Variants in INPP5A observed in about 807,000 individuals in gnomAD.
INPP5A encodes inositol polyphosphate-5-phosphatase A.
In INPP5A, 14 loss-of-function variants were observed where a neutral mutation model predicts 65.2. The observed-to-expected ratio is 0.21, with a 90% CI of 0.14 to 0.34. The LOEUF is 0.34. INPP5A is among the 10% of genes least tolerant of loss of function. The pLI, the probability that INPP5A is intolerant of heterozygous loss-of-function variation, is 1.00. For missense variants in INPP5A, 431 were observed against 545.6 expected (o/e 0.79, Z 2.09); for synonymous variants, 207 against 208.3 (o/e 0.99, Z 0.05).
intron 11 of INPP5A, among the ~76,000 whole-genome samples, chr10:132,758,048 C>T (rs1406055094): frequency 2.1e-5 from 3 of 143,352 alleles, no homozygotes; most frequent in Non-Finnish European, 4.6e-5. Flanking sequence ...CCTGGCTGAC[C>T]CCACAGGCCA....
intron 4 of INPP5A, among the ~76,000 whole-genome samples, chr10:132,656,401 G>A (rs1277183737): frequency 6.6e-6 from 1 of 152,246 alleles, no homozygotes; most frequent in Non-Finnish European, 1.5e-5. Flanking sequence ...GGGCTGAGAA[G>A]GTGTGGCCTG....
At chr10:132,561,086 C>T (rs2071198900) in intron 1 of INPP5A, among the ~76,000 whole-genome samples, 2 of 148,484 alleles carry the variant, frequency 1.3e-5, no homozygotes, top group African/African-American at 5.0e-5. Flanking sequence ...CAGGGTCTTC[C>T]CCTGTTGCCC....
At chr10:132,680,966 C>T (rs2073035274) in intron 4 of INPP5A, among the ~76,000 whole-genome samples, 1 of 152,238 alleles carries the variant, frequency 6.6e-6, no homozygotes, top group Non-Finnish European at 1.5e-5. Context: ...CGGCCGGAGC[C>T]TCCCCGACGA....
At chr10:132,761,449 CAGG>C (rs1364014204) in intron 11 of INPP5A, among the ~76,000 whole-genome samples, 1 of 152,044 alleles carries the variant, frequency 6.6e-6, no homozygotes, top group African/African-American at 2.4e-5. Context: ...CTGGGGGTGG[CAGG>C]GGACAGCATG....
chr10:132,570,772 C>T (rs1366858214), intron 1 of INPP5A, among the ~76,000 whole-genome samples: 2 of 152,140 alleles, frequency 1.3e-5, no homozygotes, highest in African/African-American at 4.8e-5. Flanking sequence ...GGTGACACTT[C>T]TGGGTGACTG....
intron 4 of INPP5A, among the ~76,000 whole-genome samples, chr10:132,655,562 G>A (rs911427149): frequency 1.3e-5 from 2 of 152,206 alleles, no homozygotes; most frequent in East Asian, 1.9e-4. Flanking sequence ...GCAGGGTAAC[G>A]GCTTTCCTGA....
intron 4 of INPP5A, among the ~76,000 whole-genome samples, chr10:132,677,965 C>T (rs2072989535): frequency 6.6e-6 from 1 of 152,236 alleles, no homozygotes; most frequent in African/African-American, 2.4e-5. Context: ...TTTAATTAAC[C>T]TCTAGCGTCA....
At chr10:132,560,213 C>T (rs1387343451) in intron 1 of INPP5A, among the ~76,000 whole-genome samples, 1 of 151,636 alleles carries the variant, frequency 6.6e-6, no homozygotes, top group Admixed American at 6.6e-5. Flanking sequence ...CCTGTGTCTG[C>T]AGCTGTCTCG....
chr10:132,618,906 G>GC (rs2072077253), intron 2 of INPP5A, among the ~76,000 whole-genome samples: 1 of 152,182 alleles, frequency 6.6e-6, no homozygotes, highest in East Asian at 1.9e-4. Flanking sequence ...GGAGGCATCT[G>GC]CCCCCATGAT....
intron 11 of INPP5A, among the ~76,000 whole-genome samples, chr10:132,755,836 G>A (rs1163528819): frequency 6.6e-6 from 1 of 152,164 alleles, no homozygotes; most frequent in Non-Finnish European, 1.5e-5. Flanking sequence ...GGTCTCTCTT[G>A]GAGACTGAGG....
At chr10:132,764,981 G>A in intron 11 of INPP5A, among the ~76,000 whole-genome samples, 1 of 141,056 alleles carries the variant, frequency 7.1e-6, no homozygotes, top group Non-Finnish European at 1.5e-5. Context: ...CTGCTGCGGT[G>A]GGAGGGTGTG....
chr10:132,549,421 C>A lies in INPP5A; in HGVS notation c.75+11250C>A, dbSNP rs902592025. Among the ~76,000 whole-genome samples the A allele has an allele frequency of 3.3e-5, 5 of 152,134 alleles. No individual in the cohort carries two copies. The highest frequency in any genetic ancestry group is 1.2e-4 in the African/African-American group (5 of 41,404). The stretch of plus-strand genomic sequence containing the variant: ...ATTATGGCTGTGTGGTGGCATCTTG[C>A]GGTTTAACTTGCATTTCTGGTCCTA... On this transcript the variant is annotated intron_variant, in intron 1 of 15. Coordinates refer to ENST00000368594, the MANE Select transcript of INPP5A (RefSeq NM_005539.5). This position sits in a 1 kb window ranked among gnomAD's most constrained non-coding sequence, Gnocchi z 4.9.
At chr10:132,701,813 C>T (rs577222876) in intron 6 of INPP5A, among the ~76,000 whole-genome samples, 3 of 152,318 alleles carry the variant, frequency 2.0e-5, no homozygotes, top group Admixed American at 6.5e-5. Context: ...AGTGGGGCGT[C>T]GGGAGGCGGG....
chr10:132,574,610 TC>T (rs2071392460), intron 1 of INPP5A, among the ~76,000 whole-genome samples: 1 of 147,936 alleles, frequency 6.8e-6, no homozygotes, highest in Admixed American at 6.8e-5. Flanking sequence ...CTCTTTTTTT[TC>T]TTTTTTTTTT....
intron 1 of INPP5A, among the ~76,000 whole-genome samples, chr10:132,554,380 G>C (rs181396178): frequency 1.3e-5 from 2 of 152,138 alleles, no homozygotes; most frequent in African/African-American, 4.8e-5. Context: ...GGTGGACACC[G>C]CAGAGGGTCT....
intron 11 of INPP5A, among the ~76,000 whole-genome samples, chr10:132,751,372 C>T (rs1020627659): frequency 3.1e-4 from 47 of 152,234 alleles, no homozygotes; most frequent in African/African-American, 1.1e-3. Context: ...CCGCTTCTCT[C>T]CATCCAGGCA....
intron 6 of INPP5A, among the ~76,000 whole-genome samples, chr10:132,702,579 G>A (rs1845453899): frequency 6.6e-6 from 1 of 152,250 alleles, no homozygotes; most frequent in Non-Finnish European, 1.5e-5. Context: ...GGCATGCTCA[G>A]TTTGGGGTCT....
chr10:132,717,448 C>T (rs932700480), intron 8 of INPP5A, among the ~76,000 whole-genome samples: 1 of 151,548 alleles, frequency 6.6e-6, no homozygotes, highest in Non-Finnish European at 1.5e-5. Context: ...TTTGGGGGCT[C>T]TGCTAGCCCT....
intron 9 of INPP5A, 70 bp downstream of exon 9, chr10:132,726,975 C>T (rs895528555): frequency 7.2e-6 from 8 of 1,114,972 alleles, no homozygotes; most frequent in South Asian, 3.2e-5. Flanking sequence ...GTGGAAGGAG[C>T]GTGGCCCCTT....
Sources: gnomAD v4.1 joint callset for allele counts (sites outside exome capture counted in the v4.1 genomes callset) on GRCh38, gnomAD v4.1.1 for gene constraint, Gnocchi (gnomAD v3.1) non-coding constraint, MANE v1.5 for transcripts, NCBI Gene and HGNC (gene_info 2026-07-23, HGNC 2026-07-21) for gene names.